MYO6: variants seen among roughly 807,000 people sequenced by gnomAD.
MYO6 encodes unconventional myosin-VI.
MYO6 carries 74 observed loss-of-function variants against 178.7 expected under a neutral mutation model. The observed-to-expected ratio is 0.41, with a 90% CI of 0.34 to 0.50. The LOEUF (loss-of-function observed/expected upper bound fraction) is 0.50. Ranked by LOEUF, MYO6 falls within the 20% of genes least tolerant of loss-of-function variation. MYO6 has a pLI of 0.09. For missense variants in MYO6, 1,330 were observed against 1,547.4 expected (o/e 0.86, Z 2.36); for synonymous variants, 477 against 504.6 (o/e 0.95, Z 0.73).
intron 1 of MYO6, among the ~76,000 whole-genome samples, chr6:75,758,297 G>A (rs1342984089): frequency 6.6e-6 from 1 of 152,074 alleles, no homozygotes; most frequent in Non-Finnish European, 1.5e-5. Flanking sequence ...CAATTTGCTT[G>A]GGTTAACCAG....
intron 1 of MYO6, among the ~76,000 whole-genome samples, chr6:75,783,219 C>T (rs1052302753): frequency 6.6e-5 from 10 of 152,082 alleles, no homozygotes; most frequent in African/African-American, 2.4e-4. Flanking sequence ...GCCTGGCCTC[C>T]CAGATAGATT....
chr6:75,853,123 A>G lies in MYO6; in HGVS notation c.1079-2016A>G, dbSNP rs78338137. Among the ~76,000 whole-genome samples, 23 of 152,214 alleles carry G rather than the reference A, an allele frequency of 1.5e-4. No individual in the cohort carries two copies. In the East Asian group the frequency reaches 4.4e-3, roughly 29 times the overall value. ...GCATCTTTCTGTGTGCTTACTGACC[A>G]TTTGTATATCTTTTTTGGAGAAGTG... On this transcript the variant is annotated intron_variant, in intron 11 of 34. Transcript: ENST00000369977.
In MYO6 at chr6:75,918,601, C is replaced by T. The variant is rs1180914544; in HGVS notation, c.*3589C>T. 9.9e-5 allele frequency: 15 copies of T among 152,198 alleles called. No individual in the cohort carries two copies. Among genetic ancestry groups the T allele is most frequent in the Admixed American group, 9.2e-4 (14 of 15,274 alleles). 9.4% of individuals were successfully genotyped at this position (152,198 alleles called of 1,614,324 possible). A position where few individuals can be genotyped will look rare whatever the true frequency, so the allele number is the denominator to read the frequency against. ...AGTAAATAGGCATTCTGTACATAAG[C>T]CTCATGGAAGGGTAAGATGGAGAGA... is the stretch of plus-strand genomic sequence containing the variant. On this transcript the variant is annotated 3_prime_UTR_variant, in exon 35 of 35. Coordinates refer to ENST00000369977, the MANE Select transcript of MYO6 (RefSeq NM_004999.4).
intron 1 of MYO6, among the ~76,000 whole-genome samples, chr6:75,815,703 C>T (rs1400432428): frequency 6.6e-6 from 1 of 152,242 alleles, no homozygotes; most frequent in Non-Finnish European, 1.5e-5. Flanking sequence ...AAGCAAGTTG[C>T]AAACATGCCA....
Position 75,817,652 on chromosome 6 carries a change from T to G in MYO6, c.105T>G (p.Asn35Lys), listed in dbSNP as rs1197852179. The G allele has an allele frequency of 8.1e-6, 13 of 1,613,826 alleles. No homozygotes were observed. The East Asian group carries it at 2.9e-4, about 36-fold the overall frequency. Residue 35 changes from asparagine to lysine, a missense_variant, in exon 2 of 35, where the codon AAT becomes AAG. Asn to Lys is a moderately conservative substitution (Grantham distance 94). This residue lies in a region of MYO6 where 116 missense variants were observed against 104.6 expected (regional missense o/e 1.11). Transcript: ENST00000369977. ...ACAGCTTAACAATTGAACCCTTGAA[T>G]CAGAAAGGCAAGGTGAGTTTCTCAG... The part of the protein sequence containing the change: ...GPDSLTIEPL[N>K]QKGKTFLALI...
intron 1 of MYO6, among the ~76,000 whole-genome samples, chr6:75,809,083 G>A (rs1039864383): frequency 3.3e-5 from 5 of 152,230 alleles, no homozygotes; most frequent in African/African-American, 1.2e-4. Context: ...AGATGACTGA[G>A]TTCTGGCTGT....
At chr6:75,863,799 C>T (rs1776416243) in intron 16 of MYO6, among the ~76,000 whole-genome samples, 1 of 151,768 alleles carries the variant, frequency 6.6e-6, no homozygotes, top group African/African-American at 2.4e-5. Context: ...GACCTGGTTT[C>T]TGAACTGCTG....
intron 1 of MYO6, among the ~76,000 whole-genome samples, chr6:75,796,236 C>A (rs1000805297): frequency 6.6e-6 from 1 of 152,100 alleles, no homozygotes; most frequent in Admixed American, 6.5e-5. Context: ...AATTAGGTGA[C>A]CCTCAGTTGT....
chr6:75,879,724 G>A (rs143549679), intron 20 of MYO6, 96 bp from the exon 21 acceptor site: 24 of 1,568,450 alleles, frequency 1.5e-5, no homozygotes, highest in African/African-American at 5.4e-5. Context: ...TAAATTGCCC[G>A]TTTCTAAACA....
chr6:75,906,429 A>G (rs1190835845), intron 30 of MYO6, among the ~76,000 whole-genome samples: 1 of 152,174 alleles, frequency 6.6e-6, no homozygotes, highest in Non-Finnish European at 1.5e-5. Flanking sequence ...TAATCCCAGC[A>G]CTTTGGGAGG....
At chr6:75,877,953 A>G (rs1343014581) in intron 20 of MYO6, among the ~76,000 whole-genome samples, 1 of 152,208 alleles carries the variant, frequency 6.6e-6, no homozygotes, top group Non-Finnish European at 1.5e-5. Context: ...ATACATTTCC[A>G]AAGGTACTTG....
intron 1 of MYO6, among the ~76,000 whole-genome samples, chr6:75,812,319 T>A (rs555915386): frequency 6.6e-6 from 1 of 152,254 alleles, no homozygotes; most frequent in East Asian, 1.9e-4. Context: ...ATTTTTTTTG[T>A]GTGTGTTGAT....
intron 1 of MYO6, among the ~76,000 whole-genome samples, chr6:75,785,801 G>T (rs939702607): frequency 6.6e-6 from 1 of 151,808 alleles, no homozygotes; most frequent in Admixed American, 6.6e-5. Context: ...CCCCCAAGTG[G>T]ATATCCAGTT....
chr6:75,787,573 A>C (rs1767696900), intron 1 of MYO6, among the ~76,000 whole-genome samples: 1 of 149,466 alleles, frequency 6.7e-6, no homozygotes, highest in East Asian at 2.1e-4. Flanking sequence ...GGTGGCCAGG[A>C]GCTAAGAAAG....
At chr6:75,824,565 T>TGC (rs941569791) in intron 3 of MYO6, among the ~76,000 whole-genome samples, 2 of 151,808 alleles carry the variant, frequency 1.3e-5, no homozygotes, top group Admixed American at 6.6e-5. Flanking sequence ...CACACACACA[T>TGC]GCACACACAC....
At chr6:75,817,759 A>G (rs1771430640) in intron 2 of MYO6, 95 bp downstream of exon 2, 3 of 1,081,220 alleles carry the variant, frequency 2.8e-6, no homozygotes, top group Middle Eastern at 5.0e-4. Context: ...TGAGGTAGAT[A>G]TTTGGGAAAG....
rs1158359890 is a variant in MYO6 at position 75,841,338 on chromosome 6, T to C, written c.776T>C (p.Ile259Thr). The change falls in exon 9 of 35, where the codon ATT becomes ACT. Residue 259 changes from isoleucine (I) to threonine (T), a missense_variant. Physicochemically the swap from Ile to Thr is moderately conservative, Grantham distance 89. Coordinates refer to ENST00000369977, the MANE Select transcript of MYO6 (RefSeq NM_004999.4). Reference sequence around the variant, plus strand: ...TTGTGTGCTGGTGCTTCTGAAGATATTAGAGAAAAACTTCATTTGAGTTCA... The same window carrying C: ...TTGTGTGCTGGTGCTTCTGAAGATACTAGAGAAAAACTTCATTTGAGTTCA... ...YRLCAGASED[I>T]REKLHLSSPD... 3 of 1,613,946 alleles carry C rather than the reference T, an allele frequency of 1.9e-6. No individual in the cohort carries two copies. The highest frequency in any genetic ancestry group is 2.2e-5 in the East Asian group (1 of 44,868).
At chr6:75,882,277 C>T (rs1778100271) in intron 23 of MYO6, among the ~76,000 whole-genome samples, 1 of 152,130 alleles carries the variant, frequency 6.6e-6, no homozygotes. Flanking sequence ...TTTTTCTTGC[C>T]AGTGCCTTAG....
chr6:75,887,010 C>G lies in MYO6; in HGVS notation c.2658+16C>G. The G allele has an allele frequency of 1.2e-6, 2 of 1,606,314 alleles. No homozygotes were observed. Among genetic ancestry groups the G allele is most frequent in the South Asian group, 2.2e-5 (2 of 90,768 alleles). ...CAAAATTAAGGTATGTAATTTCAAC[C>G]CGAATGACTTTGACTTTTTATGTAA... On this transcript the variant is annotated intron_variant, in intron 25 of 34. Transcript: ENST00000369977.
Sources: allele counts gnomAD v4.1 joint callset (sites outside exome capture counted in the v4.1 genomes callset), GRCh38; gene constraint gnomAD v4.1.1; regional missense constraint gnomAD v4.1.1; transcripts MANE v1.5; gene names NCBI Gene and HGNC (gene_info 2026-07-23, HGNC 2026-07-21).